Variants in ADK observed in about 807,000 individuals in gnomAD.
ADK encodes N6,N6-dimethyladenosine kinase.
A neutral mutation model predicts 44.7 loss-of-function variants in ADK; 24 were observed. That is an observed-to-expected ratio of 0.54 (90% CI 0.39 to 0.76). ADK has a LOEUF of 0.76. ADK is among the 30% of genes least tolerant of loss of function. The pLI is 0.00. For synonymous variants in ADK, 128 were observed against 142.6 expected (o/e 0.90, Z 0.73); for missense variants, 321 against 425.1 (o/e 0.76, Z 2.15).
intron 3 of ADK, among the ~76,000 whole-genome samples, chr10:74,295,504 C>T (rs1414760435): frequency 3.9e-5 from 6 of 151,968 alleles, no homozygotes; most frequent in Non-Finnish European, 7.4e-5. Flanking sequence ...TCTCTGTACT[C>T]AGGGCTATGA....
Position 74,332,360 on chromosome 10 carries a change from A to G in ADK, c.273+17615A>G, listed in dbSNP as rs1487688952. ...TTTACTCACATTTCTATGTCTAGCC[A>G]TAGCTATTCTAAGCCATAGCACAAA... is the stretch of plus-strand genomic sequence containing the variant. On this transcript the variant is annotated intron_variant, in intron 4 of 10. Transcript: ENST00000539909. Among the ~76,000 whole-genome samples the G allele has an allele frequency of 2.0e-5, 3 of 152,324 alleles. No homozygotes were observed. The East Asian group carries it at 5.8e-4, about 29-fold the overall frequency.
intron 10 of ADK, among the ~76,000 whole-genome samples, chr10:74,707,128 C>T (rs889299638): frequency 1.3e-5 from 2 of 152,140 alleles, no homozygotes; most frequent in Admixed American, 1.3e-4. Flanking sequence ...CGCAACCTTC[C>T]AGGCTTAAGC....
intron 3 of ADK, among the ~76,000 whole-genome samples, chr10:74,312,820 G>A (rs1335770137): frequency 1.4e-5 from 2 of 143,200 alleles, no homozygotes; most frequent in East Asian, 4.1e-4. Flanking sequence ...AGACTGAGGC[G>A]GGAGGATCCC....
intron 4 of ADK, among the ~76,000 whole-genome samples, chr10:74,329,886 A>G (rs1385484323): frequency 6.6e-6 from 1 of 152,172 alleles, no homozygotes; most frequent in Non-Finnish European, 1.5e-5. Context: ...AATAGGCCAG[A>G]TGTGATGGCT....
At chr10:74,339,471 C>T (rs1423717728) in intron 4 of ADK, among the ~76,000 whole-genome samples, 1 of 152,216 alleles carries the variant, frequency 6.6e-6, no homozygotes, top group Non-Finnish European at 1.5e-5. Flanking sequence ...TCTTTTCCTT[C>T]ACTTTACCAA....
At chr10:74,460,288 G>A (rs1846124444) in intron 6 of ADK, among the ~76,000 whole-genome samples, 1 of 152,124 alleles carries the variant, frequency 6.6e-6, no homozygotes, top group Non-Finnish European at 1.5e-5. Context: ...GACATAAACT[G>A]TGTTATCCTA....
intron 9 of ADK, among the ~76,000 whole-genome samples, chr10:74,657,931 G>T (rs1854550580): frequency 6.6e-6 from 1 of 152,166 alleles, no homozygotes; most frequent in Non-Finnish European, 1.5e-5. Context: ...GCCTTATTTG[G>T]AACTAAGAGT....
At chr10:74,563,541 T>TCG (rs1589251293) in intron 7 of ADK, among the ~76,000 whole-genome samples, 1 of 152,326 alleles carries the variant, frequency 6.6e-6, no homozygotes, top group East Asian at 1.9e-4. Flanking sequence ...CATTATAAAA[T>TCG]GTCCTCAAGG....
chr10:74,486,948 C>A (rs986603764), intron 6 of ADK, among the ~76,000 whole-genome samples: 4 of 151,998 alleles, frequency 2.6e-5, no homozygotes, highest in African/African-American at 4.8e-5. Flanking sequence ...TTAAGGTTAT[C>A]AAATTGTATC....
chr10:74,540,790 G>A (rs1849600156), intron 7 of ADK, among the ~76,000 whole-genome samples: 1 of 152,024 alleles, frequency 6.6e-6, no homozygotes, highest in African/African-American at 2.4e-5. Context: ...ATCATTTAAT[G>A]ACATTGACAT....
intron 6 of ADK, among the ~76,000 whole-genome samples, chr10:74,418,193 C>A (rs1038500358): frequency 1.3e-5 from 2 of 152,120 alleles, no homozygotes; most frequent in African/African-American, 2.4e-5. Flanking sequence ...TTGTACTCCC[C>A]AAAATAAAAT....
intron 4 of ADK, among the ~76,000 whole-genome samples, chr10:74,365,044 T>A (rs1842457292): frequency 6.6e-6 from 1 of 152,176 alleles, no homozygotes; most frequent in South Asian, 2.1e-4. Context: ...GTAATACCAT[T>A]TCCTTACAAT....
intron 6 of ADK, among the ~76,000 whole-genome samples, chr10:74,522,683 C>T (rs946300973): frequency 6.6e-6 from 1 of 151,710 alleles, no homozygotes; most frequent in African/African-American, 2.4e-5. Context: ...TTATGGAAAT[C>T]GTTGGTCCCT....
At chr10:74,296,066 C>CT (rs59799489) in intron 3 of ADK, among the ~76,000 whole-genome samples, 189 of 139,968 alleles carry the variant, frequency 1.4e-3, no homozygotes, top group East Asian at 2.1e-3. Context: ...TATTTAGCTC[C>CT]TTTTTTTTTT....
intron 6 of ADK, among the ~76,000 whole-genome samples, chr10:74,427,423 C>G (rs1450141417): frequency 6.6e-6 from 1 of 152,178 alleles, no homozygotes. Context: ...TGGTCTCGAT[C>G]TCTTGACCTT....
intron 3 of ADK, among the ~76,000 whole-genome samples, chr10:74,254,197 A>C (rs1288826444): frequency 2.6e-5 from 4 of 152,238 alleles, no homozygotes; most frequent in Non-Finnish European, 5.9e-5. Context: ...GTAAGAAAAT[A>C]AGAGCATTAT....
intron 6 of ADK, among the ~76,000 whole-genome samples, chr10:74,406,959 G>A (rs193242493): frequency 7.3e-4 from 110 of 150,220 alleles, no homozygotes; most frequent in African/African-American, 2.6e-3. Context: ...GATTACAGGC[G>A]TGGGCCACTG....
chr10:74,544,248 A>G (rs1337900443), intron 7 of ADK, among the ~76,000 whole-genome samples: 6 of 152,164 alleles, frequency 3.9e-5, no homozygotes, highest in Admixed American at 3.9e-4. Context: ...TCACTTTCTG[A>G]CCGGAAGTTC....
intron 1 of ADK, chr10:74,176,839 C>T (rs1350553341): frequency 6.2e-7 from 1 of 1,606,192 alleles, no homozygotes; most frequent in Non-Finnish European, 8.5e-7. Flanking sequence ...GCATCGGACG[C>T]GGGCGCCGTG....
Sources: allele counts gnomAD v4.1 joint callset (sites outside exome capture counted in the v4.1 genomes callset), GRCh38; gene constraint gnomAD v4.1.1; transcripts MANE v1.5; gene names NCBI Gene and HGNC (gene_info 2026-07-23, HGNC 2026-07-21).